The following DCDC1 variants were observed in gnomAD, a reference collection of about 807,000 sequenced individuals.
DCDC1 encodes doublecortin domain containing 1, also known as doublecortin domain-containing protein 1.
DCDC1 carries 200 observed loss-of-function variants against 178.3 expected under a neutral mutation model. That is an observed-to-expected ratio of 1.12 (90% CI 1.00 to 1.26). DCDC1 has a LOEUF of 1.26. Ranked by LOEUF, DCDC1 falls within the 50% of genes most tolerant of loss-of-function variation. The pLI is 0.00. For missense variants in DCDC1, 1,983 were observed against 1,749.2 expected (o/e 1.13, Z -2.38); for synonymous variants, 690 against 604.8 (o/e 1.14, Z -2.07).
chr11:31,250,625 C>T (rs1943957740), intron 8 of DCDC1, among the ~76,000 whole-genome samples: 1 of 151,502 alleles, frequency 6.6e-6, no homozygotes, highest in Non-Finnish European at 1.5e-5. Flanking sequence ...TTTGGCAGAA[C>T]AGGAGCAGTG....
At chr11:31,135,137 A>T (rs1962969187) in intron 10 of DCDC1, among the ~76,000 whole-genome samples, 1 of 152,246 alleles carries the variant, frequency 6.6e-6, no homozygotes, top group Admixed American at 6.5e-5. Flanking sequence ...TTTTAAGATA[A>T]AACTGTAGGC....
At chr11:31,183,717 C>A (rs769909298) in intron 9 of DCDC1, among the ~76,000 whole-genome samples, 14 of 152,212 alleles carry the variant, frequency 9.2e-5, no homozygotes, top group Non-Finnish European at 1.6e-4. Context: ...ATACAACTTA[C>A]AAGGGATATG....
In DCDC1 at chr11:30,906,726, C is replaced by T; in HGVS notation, c.3919-1G>A. Reference sequence around the variant, plus strand: ...CATCAGGTGAGAGATAACAGTATCCCTAAAATGGGAGACAAAGATGGCTTT... The same window carrying T: ...CATCAGGTGAGAGATAACAGTATCCTTAAAATGGGAGACAAAGATGGCTTT... On this transcript the variant is annotated splice_acceptor_variant, in intron 29 of 38. Coordinates refer to ENST00000684477, the MANE Select transcript of DCDC1 (RefSeq NM_001387274.1). LOFTEE classifies it high-confidence loss of function. 1 of 1,610,304 alleles carries T rather than the reference C, an allele frequency of 6.2e-7. No individual in the cohort carries two copies. The highest frequency in any genetic ancestry group is 8.5e-7 in the Non-Finnish European group (1 of 1,177,936).
chr11:31,306,890 A>G (rs1948497508), intron 4 of DCDC1, among the ~76,000 whole-genome samples: 1 of 152,092 alleles, frequency 6.6e-6, no homozygotes, highest in South Asian at 2.1e-4. Context: ...TTCCAAGGTT[A>G]ATTGTATTGC....
intron 20 of DCDC1, among the ~76,000 whole-genome samples, chr11:31,002,206 G>A (rs1951616302): frequency 6.6e-6 from 1 of 152,158 alleles, no homozygotes; most frequent in Non-Finnish European, 1.5e-5. Flanking sequence ...AGTATAATTT[G>A]GGAGGGAAAT....
At chr11:31,108,010 G>C (rs1471825394) in intron 12 of DCDC1, among the ~76,000 whole-genome samples, 1 of 152,166 alleles carries the variant, frequency 6.6e-6, no homozygotes, top group Non-Finnish European at 1.5e-5. Flanking sequence ...ATATTGAGAA[G>C]TGCTAAATGC....
chr11:31,077,399 G>T (rs1243919834), intron 18 of DCDC1, among the ~76,000 whole-genome samples: 2 of 152,108 alleles, frequency 1.3e-5, no homozygotes, highest in African/African-American at 2.4e-5. Flanking sequence ...ACATCCATTT[G>T]AGTAATCATA....
At chr11:30,973,554 C>T (rs291143) in intron 20 of DCDC1, among the ~76,000 whole-genome samples, 1 of 152,128 alleles carries the variant, frequency 6.6e-6, no homozygotes, top group Admixed American at 6.5e-5. Context: ...GTAAAGGAGT[C>T]GAAAAACAGA....
chr11:31,306,352 G>T lies in DCDC1; in HGVS notation c.471C>A (p.Ala157=). ...AEFSSLKFQS[A]RNWQKLSQRH... is the part of the protein sequence containing the mutation. Reference sequence around the variant, plus strand: ...TTTGAGACAATTTCTGCCAATTCCGGGCTGACTGAAATTTTAAAGAAGAGA... The same window carrying T: ...TTTGAGACAATTTCTGCCAATTCCGTGCTGACTGAAATTTTAAAGAAGAGA... Residue 157 remains alanine, a synonymous_variant, in exon 5 of 39, where the codon GCC becomes GCA. Coordinates refer to ENST00000684477, the MANE Select transcript of DCDC1 (RefSeq NM_001387274.1). 6.2e-7 allele frequency: 1 copy of T among 1,608,054 alleles called. No individual in the cohort carries two copies. Among genetic ancestry groups the T allele is most frequent in the South Asian group, 1.1e-5 (1 of 89,932 alleles).
At chr11:31,209,760 G>C (rs1972278888) in intron 9 of DCDC1, among the ~76,000 whole-genome samples, 2 of 152,186 alleles carry the variant, frequency 1.3e-5, no homozygotes, top group African/African-American at 4.8e-5. Flanking sequence ...TTTACCAACA[G>C]AGAGGAATGC....
Position 30,968,538 on chromosome 11 carries a change from T to C in DCDC1, c.2592-15970A>G, listed in dbSNP as rs182754593. Among the ~76,000 whole-genome samples, 4 of 151,648 alleles carry C rather than the reference T, an allele frequency of 2.6e-5. 1 individual carries two copies. The highest frequency in any genetic ancestry group is 9.7e-5 in the African/African-American group (4 of 41,364). The stretch of plus-strand genomic sequence containing the variant: ...TGTTATAATTGTTCTATTTTATTAC[T>C]AGTTATTGCTATTGCATTACTGTGT... On this transcript the variant is annotated intron_variant, in intron 20 of 38. Coordinates refer to ENST00000684477, the MANE Select transcript of DCDC1 (RefSeq NM_001387274.1).
chr11:31,084,868 A>G (rs1186873979), intron 17 of DCDC1, among the ~76,000 whole-genome samples: 2 of 148,344 alleles, frequency 1.3e-5, no homozygotes, highest in Admixed American at 6.7e-5. Context: ...GTAGACCTCA[A>G]TATTTCATCA....
Position 31,305,773 on chromosome 11 carries a change from A to G in DCDC1, c.596T>C (p.Leu199Pro). ...RVTVPTITLL[L>P]EECTEKLNLN... ...ATTCAGCTTTTCTGTGCACTCCTCC[A>G]GCAGCTAGAAGAAAGCAAGAGGTAA... Residue 199 changes from leucine (L) to proline (P), a missense_variant, in exon 6 of 39, where the codon CTG becomes CCG. Leu to Pro is a moderately conservative substitution (Grantham distance 98). Coordinates refer to ENST00000684477, the MANE Select transcript of DCDC1 (RefSeq NM_001387274.1). The G allele has an allele frequency of 6.2e-7, 1 of 1,612,528 alleles. No homozygotes were observed. The highest frequency in any genetic ancestry group is 8.5e-7 in the Non-Finnish European group (1 of 1,179,280).
In DCDC1 at chr11:30,881,219, G is replaced by A. The variant is rs532651593; in HGVS notation, c.5172C>T (p.Asp1724=). 1.7e-5 allele frequency: 28 copies of A among 1,613,458 alleles called. No individual in the cohort carries two copies. The highest frequency in any genetic ancestry group is 1.7e-4 in the Middle Eastern group (1 of 6,054). The change falls in exon 37 of 39, where the codon GAC becomes GAT. Residue 1724 remains aspartate (D), a synonymous_variant. Coordinates refer to ENST00000684477, the MANE Select transcript of DCDC1 (RefSeq NM_001387274.1). ...TPSGEPIQSW[D]DIERDMVICV... ...AGATGACCATATCTCGCTCTATGTC[G>A]TCCCAGGACTGAATTGGCTCTCCAC...
At chr11:31,028,803 T>C (rs1350927188) in intron 20 of DCDC1, among the ~76,000 whole-genome samples, 2 of 152,082 alleles carry the variant, frequency 1.3e-5, no homozygotes, top group Non-Finnish European at 1.5e-5. Flanking sequence ...GATAGCTCTG[T>C]ATCACCAGGG....
At chr11:31,315,306 CTTTTTTTTTTT>C (rs72156406) in intron 3 of DCDC1, among the ~76,000 whole-genome samples, 5 of 62,206 alleles carry the variant, frequency 8.0e-5, no homozygotes, top group Admixed American at 5.8e-4. Context: ...TTTGCATACC[CTTTTTTTTTTT>C]TTTTTTTTTT....
At chr11:30,936,676 C>G (rs1307845981) in intron 21 of DCDC1, among the ~76,000 whole-genome samples, 2 of 152,150 alleles carry the variant, frequency 1.3e-5, no homozygotes, top group Admixed American at 6.5e-5. Flanking sequence ...AGTAGAAACA[C>G]TGGGCCTTAA....
chr11:30,953,370 TG>T lies in DCDC1; in HGVS notation c.2592-803del, dbSNP rs535427992. On this transcript the variant is annotated intron_variant, in intron 20 of 38. Coordinates refer to ENST00000684477, the MANE Select transcript of DCDC1 (RefSeq NM_001387274.1). The stretch of plus-strand genomic sequence containing the variant: ...TTCCCTAAAACTCTATCATACCAGA[TG>T]GGGGGGAAAAATGTGATCAGTAGTT... Among the ~76,000 whole-genome samples the T allele has an allele frequency of 8.6e-3, 1,294 of 150,232 alleles. 21 individuals carry two copies. Among genetic ancestry groups the T allele is most frequent in the African/African-American group, 0.03 (1,236 of 41,128 alleles).
intron 10 of DCDC1, among the ~76,000 whole-genome samples, chr11:31,137,266 T>C (rs1192415443): frequency 6.6e-6 from 1 of 152,046 alleles, no homozygotes; most frequent in Non-Finnish European, 1.5e-5. Flanking sequence ...TTTGTTTCTA[T>C]CATAAGTTGT....
Sources: allele counts gnomAD v4.1 joint callset (sites outside exome capture counted in the v4.1 genomes callset), GRCh38; gene constraint gnomAD v4.1.1; transcripts MANE v1.5; gene names NCBI Gene and HGNC (gene_info 2026-07-23, HGNC 2026-07-21).